Variants in SND1 observed in about 807,000 individuals in gnomAD.
SND1 encodes the protein staphylococcal nuclease and tudor domain containing 1.
Under a neutral mutation model 121.7 loss-of-function variants are expected in SND1, and 38 were observed. The observed-to-expected ratio is 0.31, with a 90% CI of 0.24 to 0.41. SND1 has a LOEUF of 0.41. Ranked by LOEUF, SND1 falls within the 10% of genes least tolerant of loss-of-function variation. SND1 has a pLI of 1.00. For synonymous variants in SND1, 401 were observed against 447.4 expected (o/e 0.90, Z 1.31); for missense variants, 868 against 1,184.6 (o/e 0.73, Z 3.92).
At chr7:127,954,047 G>A (rs750473739) in intron 15 of SND1, among the ~76,000 whole-genome samples, 2 of 152,254 alleles carry the variant, frequency 1.3e-5, no homozygotes, top group South Asian at 2.1e-4. Flanking sequence ...CAAGCTCCTC[G>A]TGGGATTGTG....
At chr7:127,907,596 C>T (rs1267087318) in intron 14 of SND1, among the ~76,000 whole-genome samples, 1 of 152,138 alleles carries the variant, frequency 6.6e-6, no homozygotes, top group East Asian at 1.9e-4. Context: ...TTACAATGAA[C>T]TGGTGTTTGT....
At chr7:127,795,387 C>G (rs1448060557) in intron 10 of SND1, among the ~76,000 whole-genome samples, 1 of 152,196 alleles carries the variant, frequency 6.6e-6, no homozygotes, top group East Asian at 1.9e-4. Context: ...GGGTTAATCT[C>G]AACTTCATGA....
At chr7:127,657,101 T>G in intron 1 of SND1, among the ~76,000 whole-genome samples, 1 of 152,250 alleles carries the variant, frequency 6.6e-6, no homozygotes, top group East Asian at 1.9e-4. Flanking sequence ...TGAAATAGAA[T>G]CATAAGCAAT....
chr7:128,012,127 T>C (rs772049952), intron 16 of SND1, among the ~76,000 whole-genome samples: 3 of 152,210 alleles, frequency 2.0e-5, no homozygotes, highest in Admixed American at 6.5e-5. Flanking sequence ...CTAAAAGATG[T>C]GTTTTGTCTT....
chr7:127,923,743 A>C (rs997973804), intron 14 of SND1, among the ~76,000 whole-genome samples: 1 of 152,176 alleles, frequency 6.6e-6, no homozygotes, highest in African/African-American at 2.4e-5. Flanking sequence ...CACAAAAGTA[A>C]TTCTCCTGGT....
At chr7:127,796,573 A>G (rs1342946244) in intron 10 of SND1, among the ~76,000 whole-genome samples, 1 of 152,156 alleles carries the variant, frequency 6.6e-6, no homozygotes, top group Non-Finnish European at 1.5e-5. Flanking sequence ...TTACAATAAT[A>G]CAAGGCAGAA....
At chr7:128,026,052 C>T (rs1235976579) in intron 16 of SND1, among the ~76,000 whole-genome samples, 2 of 151,882 alleles carry the variant, frequency 1.3e-5, no homozygotes, top group African/African-American at 2.4e-5. Context: ...GAAATTGGCT[C>T]CTCATCCTCT....
chr7:128,067,328 G>A (rs781323831), intron 16 of SND1, among the ~76,000 whole-genome samples: 1 of 152,210 alleles, frequency 6.6e-6, no homozygotes, highest in Non-Finnish European at 1.5e-5. Flanking sequence ...TGCTGTGATT[G>A]TTGCTGGTTG....
At chr7:127,956,347 A>C (rs1374010388) in intron 15 of SND1, among the ~76,000 whole-genome samples, 1 of 152,218 alleles carries the variant, frequency 6.6e-6, no homozygotes, top group Non-Finnish European at 1.5e-5. Flanking sequence ...TTATAGCTGG[A>C]CTGTGGCAGA....
chr7:127,957,845 C>T (rs531221576), intron 15 of SND1, among the ~76,000 whole-genome samples: 13 of 152,194 alleles, frequency 8.5e-5, no homozygotes, highest in Non-Finnish European at 1.5e-4. Flanking sequence ...GGATTACAGG[C>T]GCGAGCCACC....
intron 11 of SND1, among the ~76,000 whole-genome samples, chr7:127,811,343 G>T (rs918741294): frequency 6.6e-6 from 1 of 152,196 alleles, no homozygotes. Context: ...CTTTTAGGGT[G>T]TGGAGATGGA....
At chr7:127,763,400 G>A (rs1406773311) in intron 10 of SND1, among the ~76,000 whole-genome samples, 2 of 152,128 alleles carry the variant, frequency 1.3e-5, no homozygotes, top group Admixed American at 1.3e-4. Context: ...AGGCTGGAGT[G>A]CAGTGGCAAA....
chr7:127,894,857 C>T (rs561096651), intron 13 of SND1, among the ~76,000 whole-genome samples: 2 of 148,404 alleles, frequency 1.3e-5, no homozygotes, highest in Non-Finnish European at 3.0e-5. Flanking sequence ...CAGGCATGGG[C>T]GATAATAGCG....
chr7:127,760,221 A>G (rs1050462143), intron 10 of SND1, among the ~76,000 whole-genome samples: 1 of 152,156 alleles, frequency 6.6e-6, no homozygotes, highest in Non-Finnish European at 1.5e-5. Context: ...TGTCTTGTTT[A>G]TTTATTATGT....
chr7:127,869,937 A>G (rs372286272), intron 12 of SND1, among the ~76,000 whole-genome samples: 5 of 152,162 alleles, frequency 3.3e-5, no homozygotes, highest in African/African-American at 9.7e-5. Flanking sequence ...TAAATTTAGC[A>G]TAATGCCCTT....
intron 16 of SND1, among the ~76,000 whole-genome samples, chr7:128,003,174 C>T (rs193109283): frequency 1.1e-4 from 16 of 152,066 alleles, no homozygotes; most frequent in Non-Finnish European, 1.9e-4. Context: ...CGTGCCACTG[C>T]ACTCCAGCCT....
intron 12 of SND1, among the ~76,000 whole-genome samples, chr7:127,876,474 C>A (rs923910943): frequency 6.6e-6 from 1 of 152,050 alleles, no homozygotes; most frequent in Non-Finnish European, 1.5e-5. Context: ...GATGTCAGGC[C>A]TAGGTGCTGA....
rs1264461988 is a variant in SND1 at position 128,084,781 on chromosome 7, C to T, written c.2168C>T (p.Pro723Leu). The change falls in exon 19 of 24, where the codon CCT becomes CTT. Residue 723 changes from proline to leucine, a missense_variant. This residue lies in a region of SND1 where 743 missense variants were observed against 1,071.3 expected (regional missense o/e 0.69). Transcript: ENST00000354725. The stretch of plus-strand genomic sequence containing the variant: ...CGCAATGACATTGCCAGTCACCCCC[C>T]TGTAGAGGGCTCCTATGCCCCCCGC... ...NMRNDIASHP[P>L]VEGSYAPRRG... 1.9e-6 allele frequency: 3 copies of T among 1,610,644 alleles called. No individual in the cohort carries two copies. The highest frequency in any genetic ancestry group is 1.7e-5 in the Admixed American group (1 of 59,792).
rs557997545 is a variant in SND1 at position 127,721,503 on chromosome 7, A to T, written c.1152+103A>T. 21 of 599,258 alleles carry T rather than the reference A, an allele frequency of 3.5e-5. No homozygotes were observed. The Admixed American group carries it at 5.4e-4, about 15-fold the overall frequency. 37.1% of individuals were successfully genotyped at this position (599,258 alleles called of 1,614,324 possible). A position where few individuals can be genotyped will look rare whatever the true frequency, so the allele number is the denominator to read the frequency against. On this transcript the variant is annotated intron_variant, in intron 10 of 23. Coordinates refer to ENST00000354725, the MANE Select transcript of SND1 (RefSeq NM_014390.4). ...ATATAATACATATATGTGGGAATGC[A>T]AAGGGACAAGTATTTTAAATCTCCA...
Sources: allele counts gnomAD v4.1 joint callset (sites outside exome capture counted in the v4.1 genomes callset), GRCh38; gene constraint gnomAD v4.1.1; regional missense constraint gnomAD v4.1.1; transcripts MANE v1.5; gene names NCBI Gene and HGNC (gene_info 2026-07-23, HGNC 2026-07-21).